Variants in ANKRD11 observed in about 807,000 individuals in gnomAD.
ANKRD11 encodes the protein ankyrin repeat domain 11, also known as ankyrin repeat domain-containing protein 11.
ANKRD11 carries 17 observed loss-of-function variants against 195.7 expected under a neutral mutation model. The observed-to-expected ratio is 0.09, with a 90% confidence interval of 0.06 to 0.13. ANKRD11 has a LOEUF of 0.13. Ranked by LOEUF, ANKRD11 falls within the 10% of genes least tolerant of loss-of-function variation. The pLI is 1.00. For missense variants in ANKRD11, 3,735 were observed against 3,566.1 expected, an observed-to-expected ratio of 1.05 and a Z score of -1.21; for synonymous variants, 1,953 against 1,528.1, an observed-to-expected ratio of 1.28 and a Z score of -6.49.
At position 89,291,003 on chromosome 16, in the gene ANKRD11, C is replaced by A; in HGVS notation, c.397+10G>T. ...CCCTGCGCCAGGGACCACCCACAGG[C>A]CGGGCTCACCTGGGCTGTTGGCAGA... On this transcript the variant is annotated intron_variant, in intron 5 of 12. Transcript: ENST00000301030. The surrounding 1 kb of genome is among the most constrained non-coding windows in gnomAD (Gnocchi z 5.3). 1 of 1,610,726 alleles carries A rather than the reference C, an allele frequency of 6.2e-7. No individual in the cohort carries two copies.
chr16:89,465,331 G>GAAAATCCTACAAGTTTCCAC (rs2056845559), intron 1 of ANKRD11, among the ~76,000 whole-genome samples: 1 of 152,162 alleles, frequency 6.6e-6, no homozygotes, highest in Non-Finnish European at 1.5e-5. Flanking sequence ...CATATCAACA[G>GAAAATCCTACAAGTTTCCAC]AAAATCCTAC....
chr16:89,417,202 A>T (rs559308959), intron 2 of ANKRD11, among the ~76,000 whole-genome samples: 1 of 152,356 alleles, frequency 6.6e-6, no homozygotes, highest in South Asian at 2.1e-4. Flanking sequence ...GGCGACTGAG[A>T]TAAGGAACAG....
intron 1 of ANKRD11, among the ~76,000 whole-genome samples, chr16:89,468,753 T>G (rs2056967907): frequency 6.6e-6 from 1 of 152,098 alleles, no homozygotes; most frequent in African/African-American, 2.4e-5. Context: ...TGGCCCCTGC[T>G]TCTGCTGCCC....
rs764014722 is a variant in ANKRD11, at chr16:89,283,308, C to T, written c.3234G>A (p.Ala1078=). Residue 1078 remains alanine (A), a synonymous_variant, in exon 9 of 13, where the codon GCG becomes GCA. Coordinates refer to ENST00000301030, the MANE Select transcript of ANKRD11 (RefSeq NM_013275.6). The surrounding 1 kb of genome is among the most constrained non-coding windows in gnomAD (Gnocchi z 4.3). ...DTHGKDKERK[A]SLDQGKEKKE... ...TCTTCTCTTTCCCTTGGTCGAGAGA[C>T]GCTTTCCTTTCTTTGTCTTTGCCAT... 26 of 1,613,940 alleles carry T rather than the reference C, an allele frequency of 1.6e-5. No individual in the cohort carries two copies. Among genetic ancestry groups the T allele is most frequent in the Admixed American group, 1.2e-4 (7 of 60,006 alleles).
At chr16:89,391,015 T>C (rs1193943078) in intron 2 of ANKRD11, among the ~76,000 whole-genome samples, 2 of 151,918 alleles carry the variant, frequency 1.3e-5, no homozygotes, top group African/African-American at 4.8e-5. Context: ...GATCACGAGG[T>C]CAGGAGATCG....
At chr16:89,358,750 T>A (rs2039599541) in intron 2 of ANKRD11, among the ~76,000 whole-genome samples, 1 of 152,162 alleles carries the variant, frequency 6.6e-6, no homozygotes, top group African/African-American at 2.4e-5. Flanking sequence ...CAGCCCTAGA[T>A]AACCCCACGT....
intron 1 of ANKRD11, among the ~76,000 whole-genome samples, chr16:89,457,224 G>A: frequency 6.6e-6 from 1 of 151,080 alleles, no homozygotes; most frequent in African/African-American, 2.4e-5. Flanking sequence ...CTCCCAAAGT[G>A]CTGGGATTAC....
intron 2 of ANKRD11, among the ~76,000 whole-genome samples, chr16:89,413,756 A>C (rs1203462692): frequency 1.3e-5 from 2 of 152,228 alleles, no homozygotes; most frequent in African/African-American, 2.4e-5. Flanking sequence ...CAGGACACAG[A>C]AACAGCCGAC....
chr16:89,446,174 G>C (rs962516078), intron 1 of ANKRD11, among the ~76,000 whole-genome samples: 7 of 152,006 alleles, frequency 4.6e-5, no homozygotes, highest in Admixed American at 3.9e-4. Context: ...GAAAATCCTT[G>C]ATCAGTCCCT....
chr16:89,366,245 T>C (rs756417709), intron 2 of ANKRD11, among the ~76,000 whole-genome samples: 1 of 152,190 alleles, frequency 6.6e-6, no homozygotes, highest in Middle Eastern at 3.4e-3. Context: ...TAGATGCTCA[T>C]GTGGATTCCA....
intron 11 of ANKRD11, 161 bp downstream of exon 11, chr16:89,274,653 G>A: frequency 1.8e-6 from 2 of 1,101,148 alleles, no homozygotes; most frequent in Admixed American, 1.9e-5. Flanking sequence ...CCTTTCTGAG[G>A]CTCGCCCAAG....
chr16:89,394,564 G>A (rs1432211069), intron 2 of ANKRD11, among the ~76,000 whole-genome samples: 2 of 151,798 alleles, frequency 1.3e-5, no homozygotes, highest in African/African-American at 4.8e-5. Context: ...GGAGGCGGAG[G>A]TTGCAGTGAG....
At chr16:89,410,069 G>C (rs965300717) in intron 2 of ANKRD11, among the ~76,000 whole-genome samples, 1 of 152,138 alleles carries the variant, frequency 6.6e-6, no homozygotes, top group Non-Finnish European at 1.5e-5. Flanking sequence ...TCGATCTCCT[G>C]ACCTCGTGAT....
At chr16:89,293,398 G>A (rs1190448478) in intron 4 of ANKRD11, among the ~76,000 whole-genome samples, 2 of 152,040 alleles carry the variant, frequency 1.3e-5, no homozygotes, top group Non-Finnish European at 2.9e-5. Flanking sequence ...AGGAGCTGGG[G>A]CAGAGTTGGG....
chr16:89,402,589 G>A (rs1042737661), intron 2 of ANKRD11, among the ~76,000 whole-genome samples: 9 of 151,110 alleles, frequency 6.0e-5, no homozygotes, highest in Non-Finnish European at 1.3e-4. Context: ...GGCTGAGGTG[G>A]GAGGATTGGT....
chr16:89,463,953 C>A (rs2056792632), intron 1 of ANKRD11, among the ~76,000 whole-genome samples: 1 of 152,220 alleles, frequency 6.6e-6, no homozygotes, highest in African/African-American at 2.4e-5. Context: ...GACCACAACG[C>A]TAACGCCAGG....
chr16:89,302,274 G>T (rs1261559760), intron 4 of ANKRD11, among the ~76,000 whole-genome samples: 1 of 152,152 alleles, frequency 6.6e-6, no homozygotes, highest in Admixed American at 6.5e-5. Context: ...TTTATTTAGA[G>T]ACGGAGTCTT....
At chr16:89,319,298 C>T (rs2037158332) in intron 2 of ANKRD11, among the ~76,000 whole-genome samples, 1 of 152,226 alleles carries the variant, frequency 6.6e-6, no homozygotes, top group Admixed American at 6.5e-5. Flanking sequence ...TGATTCTCTT[C>T]ATGTCCCTAG....
chr16:89,470,122 G>T (rs995383189), intron 1 of ANKRD11, among the ~76,000 whole-genome samples: 9 of 151,734 alleles, frequency 5.9e-5, no homozygotes, highest in Admixed American at 1.3e-4. Flanking sequence ...TAGCCAGGAT[G>T]GTCTCCGTGT....
Sources: allele counts gnomAD v4.1 joint callset (sites outside exome capture counted in the v4.1 genomes callset), GRCh38; gene constraint gnomAD v4.1.1; non-coding constraint Gnocchi (gnomAD v3.1); transcripts MANE v1.5; gene names NCBI Gene and HGNC (gene_info 2026-07-23, HGNC 2026-07-21).